The following TRAPPC10 variants were observed in gnomAD, a reference collection of about 807,000 sequenced individuals.
TRAPPC10 encodes TRAPP 130 kDa subunit.
A neutral mutation model predicts 125.5 loss-of-function variants in TRAPPC10; 23 were observed. That is an observed-to-expected ratio of 0.18 (90% CI 0.13 to 0.26). The LOEUF is 0.26. TRAPPC10 is among the 10% of genes least tolerant of loss of function. The pLI, the probability that TRAPPC10 is intolerant of heterozygous loss-of-function variation, is 1.00. For missense variants in TRAPPC10, 1,123 were observed against 1,308.4 expected, an observed-to-expected ratio of 0.86 and a Z score of 2.19; for synonymous variants, 509 against 518.0, an observed-to-expected ratio of 0.98 and a Z score of 0.24.
intron 3 of TRAPPC10, among the ~76,000 whole-genome samples, chr21:44,042,203 A>G (rs961193515): frequency 8.6e-5 from 13 of 151,712 alleles, no homozygotes; most frequent in Non-Finnish European, 1.5e-4. Flanking sequence ...CTCATGGTTT[A>G]CTTTGTTCAT....
chr21:44,074,449 A>G lies in TRAPPC10; in HGVS notation c.1164A>G (p.Leu388=), dbSNP rs1403221676. ...IDSNIAHTVG[L]WSYATEKLKS... ...CAAACATTGCCCACACTGTGGGGCT[A>G]TGGAGCTATGCCACAGAAAAGGTGC... Residue 388 remains leucine (L), a synonymous_variant, in exon 8 of 23, where the codon CTA becomes CTG. Coordinates refer to ENST00000291574, the MANE Select transcript of TRAPPC10 (RefSeq NM_003274.5). 3.1e-6 allele frequency: 5 copies of G among 1,614,106 alleles called. No individual in the cohort carries two copies. In the African/African-American group the frequency reaches 5.3e-5, roughly 17 times the overall value.
chr21:44,095,884 A>G (rs778679461), intron 20 of TRAPPC10, among the ~76,000 whole-genome samples: 1 of 150,744 alleles, frequency 6.6e-6, no homozygotes, highest in South Asian at 2.1e-4. Context: ...ACGGGTTTGT[A>G]TGTTGCTGTA....
chr21:44,079,521 A>T, intron 11 of TRAPPC10, 43 bp from the exon 12 acceptor site: 1 of 1,568,944 alleles, frequency 6.4e-7, no homozygotes, highest in Non-Finnish European at 8.6e-7. Context: ...TGTGTTGATT[A>T]TCCCTAGCTG....
At chr21:44,060,205 C>T (rs1434093117) in intron 6 of TRAPPC10, 1 of 151,732 alleles carries the variant, frequency 6.6e-6, no homozygotes, top group East Asian at 1.9e-4. Flanking sequence ...AGACACAGAA[C>T]CAAAGCAAAG....
intron 2 of TRAPPC10, among the ~76,000 whole-genome samples, chr21:44,034,350 G>A (rs977345033): frequency 1.2e-4 from 2 of 16,530 alleles, no homozygotes; most frequent in African/African-American, 2.1e-4. Context: ...CCCCACCCCC[G>A]CCGCCCCTCA....
chr21:44,028,037 A>G (rs2033229975), intron 1 of TRAPPC10, among the ~76,000 whole-genome samples: 4 of 152,204 alleles, frequency 2.6e-5, no homozygotes, highest in Admixed American at 1.3e-4. Context: ...CATTGAATTT[A>G]TTGAAATGTT....
chr21:44,086,395 G>A (rs2038136321), intron 15 of TRAPPC10, among the ~76,000 whole-genome samples: 1 of 152,186 alleles, frequency 6.6e-6, no homozygotes, highest in African/African-American at 2.4e-5. Flanking sequence ...TCCAGAGAAG[G>A]TTTTGAATAT....
chr21:44,053,275 A>G (rs2035347749), intron 4 of TRAPPC10, among the ~76,000 whole-genome samples: 2 of 152,056 alleles, frequency 1.3e-5, no homozygotes, highest in South Asian at 2.1e-4. Context: ...TTTGGTATGT[A>G]TGTTCTGAGA....
intron 3 of TRAPPC10, 117 bp downstream of exon 3, chr21:44,038,044 G>A (rs1304385042): frequency 3.2e-5 from 45 of 1,393,896 alleles, no homozygotes; most frequent in Non-Finnish European, 4.2e-5. Context: ...TTGGAGATGC[G>A]TGGAGAGTGC....
In TRAPPC10 at chr21:44,022,557, G is replaced by A. The variant is rs371518775; in HGVS notation, c.68-9534G>A. Among the ~76,000 whole-genome samples the A allele has an allele frequency of 1.1e-3, 166 of 144,672 alleles. 4 individuals carry two copies. The South Asian group carries it at 0.035, about 30-fold the overall frequency. The allele number at this position is 144,672 out of a possible 152,430, so 94.9% of individuals were successfully genotyped here. A position where few individuals can be genotyped will look rare whatever the true frequency, so the allele number is the denominator to read the frequency against. On this transcript the variant is annotated intron_variant, in intron 1 of 22. Transcript: ENST00000291574. ...TCGAACTCCCGACCTCAGGTGATCC[G>A]CCCACCTTTGCCTCCCAAAGTGCTG... is the stretch of plus-strand genomic sequence containing the variant.
chr21:44,043,760 G>C lies in TRAPPC10; in HGVS notation c.285+5833G>C, dbSNP rs77575892. On this transcript the variant is annotated intron_variant, in intron 3 of 22. Coordinates refer to ENST00000291574, the MANE Select transcript of TRAPPC10 (RefSeq NM_003274.5). ...GCAGAAGCAACACTGTGATACTTGAGAGGAAGTCCTAAAAGATAACGTGCC... is the reference window on the plus strand; with the variant it reads ...GCAGAAGCAACACTGTGATACTTGACAGGAAGTCCTAAAAGATAACGTGCC... Among the ~76,000 whole-genome samples, 388 of 152,294 alleles carry C rather than the reference G, an allele frequency of 2.5e-3. 2 individuals carry two copies. Among genetic ancestry groups the C allele is most frequent in the African/African-American group, 8.3e-3 (345 of 41,564 alleles).
intron 18 of TRAPPC10, among the ~76,000 whole-genome samples, chr21:44,091,043 TA>T (rs1345961382): frequency 6.6e-6 from 1 of 150,994 alleles, no homozygotes; most frequent in Non-Finnish European, 1.5e-5. Context: ...ATACAAAAAT[TA>T]GCCGGGCATG....
chr21:44,082,919 C>T lies in TRAPPC10; in HGVS notation c.1855C>T (p.Pro619Ser), dbSNP rs1368896731. Residue 619 changes from proline (P) to serine (S), a missense_variant, in exon 14 of 23, where the codon CCT becomes TCT. By Grantham distance (74) the Pro-to-Ser change is moderately conservative (BLOSUM62 -1). Around this residue, in one of 4 missense-constraint regions of TRAPPC10, gnomAD observed 840 missense variants for 902.0 expected, o/e 0.93. Transcript: ENST00000291574. The surrounding 1 kb of genome is among the most constrained non-coding windows in gnomAD (Gnocchi z 4.4). ...AACCATGTACAGCCAGATGCCTGTG[C>T]CTGTTCACGTGGAGCAGATTGTGGT... ...EITMYSQMPV[P>S]VHVEQIVVNV... The T allele has an allele frequency of 2.5e-6, 4 of 1,613,898 alleles. No individual in the cohort carries two copies. The African/African-American group carries it at 4.0e-5, about 16-fold the overall frequency.
intron 3 of TRAPPC10, among the ~76,000 whole-genome samples, chr21:44,044,907 C>T (rs2034672993): frequency 6.6e-6 from 1 of 152,108 alleles, no homozygotes; most frequent in Admixed American, 6.5e-5. Flanking sequence ...CGCAGGTGAT[C>T]TGCCCACCTG....
intron 1 of TRAPPC10, among the ~76,000 whole-genome samples, chr21:44,030,086 C>G (rs1250478862): frequency 6.6e-6 from 1 of 152,198 alleles, no homozygotes; most frequent in African/African-American, 2.4e-5. Context: ...ACTTGGTAGT[C>G]TCCATTTAGA....
At chr21:44,089,314 G>A (rs2038407204) in intron 17 of TRAPPC10, 1 of 349,990 alleles carries the variant, frequency 2.9e-6, no homozygotes, top group South Asian at 2.1e-5. Flanking sequence ...CTGCCCTTAA[G>A]GGATGTAATA....
chr21:44,016,082 G>A (rs1223911425), intron 1 of TRAPPC10, among the ~76,000 whole-genome samples: 2 of 152,178 alleles, frequency 1.3e-5, no homozygotes, highest in African/African-American at 4.8e-5. Flanking sequence ...ACAGTTAGTG[G>A]AACTAATGCT....
intron 5 of TRAPPC10, among the ~76,000 whole-genome samples, chr21:44,057,519 A>G (rs2035695404): frequency 6.6e-6 from 1 of 152,126 alleles, no homozygotes; most frequent in African/African-American, 2.4e-5. Flanking sequence ...GCTGGTCTCA[A>G]ACTCCTGGCC....
intron 1 of TRAPPC10, among the ~76,000 whole-genome samples, chr21:44,026,086 A>G (rs754569284): frequency 2.6e-5 from 4 of 152,086 alleles, no homozygotes; most frequent in Admixed American, 1.3e-4. Flanking sequence ...GACAGTGTCT[A>G]TGCTAGAAAT....
Sources: gnomAD v4.1 joint callset for allele counts (sites outside exome capture counted in the v4.1 genomes callset) on GRCh38, gnomAD v4.1.1 for gene constraint, gnomAD v4.1.1 regional missense constraint, Gnocchi (gnomAD v3.1) non-coding constraint, MANE v1.5 for transcripts, NCBI Gene and HGNC (gene_info 2026-07-23, HGNC 2026-07-21) for gene names.